Variants in LRRC36 observed in about 807,000 individuals in gnomAD.
LRRC36 encodes the protein leucine rich repeat containing 36.
LRRC36 carries 62 observed loss-of-function variants against 81.1 expected under a neutral mutation model. The observed-to-expected ratio is 0.76, with a 90% CI of 0.62 to 0.94. The LOEUF (loss-of-function observed/expected upper bound fraction) is 0.94. LRRC36 is among the 40% of genes least tolerant of loss of function. LRRC36 has a pLI of 0.00. For synonymous variants in LRRC36, 334 were observed against 348.6 expected, an observed-to-expected ratio of 0.96 and a Z score of 0.47; for missense variants, 761 against 881.7, an observed-to-expected ratio of 0.86 and a Z score of 1.73.
rs373458314 is a variant in LRRC36 at position 67,346,253 on chromosome 16, T to C, written c.199-3T>C. On this transcript the variant is annotated splice_polypyrimidine_tract_variant and splice_region_variant and intron_variant, in intron 2 of 13. Coordinates refer to ENST00000329956, the MANE Select transcript of LRRC36 (RefSeq NM_018296.6). Reference sequence around the variant, plus strand: ...ATTTCATAATGTGGTGTTTTCCTTGTAGGGAATCCAGTATTTATGTTCACT... The same window carrying C: ...ATTTCATAATGTGGTGTTTTCCTTGCAGGGAATCCAGTATTTATGTTCACT... 17 of 1,541,626 alleles carry C rather than the reference T, an allele frequency of 1.1e-5. No individual in the cohort carries two copies. Among genetic ancestry groups the C allele is most frequent in the African/African-American group, 2.7e-5 (2 of 73,542 alleles).
At chr16:67,327,863 A>G (rs2037273029) in intron 1 of LRRC36, among the ~76,000 whole-genome samples, 1 of 151,978 alleles carries the variant, frequency 6.6e-6, no homozygotes, top group Non-Finnish European at 1.5e-5. Context: ...ACTTAAATGC[A>G]GAGTGTCTGT....
chr16:67,350,236 G>C lies in LRRC36; in HGVS notation c.523G>C (p.Gly175Arg). Reference protein sequence around the residue: ...REKTMKNCVTGESSASKVSAN... With the variant: ...REKTMKNCVTRESSASKVSAN... ...GAAGACAATGAAAAACTGTGTAACA[G>C]GTGAGAGCTCTGCATCAAAAGTCAG... Residue 175 changes from glycine (G) to arginine (R), a missense_variant, in exon 5 of 14, where the codon GGT becomes CGT. Gly to Arg is a moderately radical substitution (Grantham distance 125). Transcript: ENST00000329956. 1.2e-6 allele frequency: 2 copies of C among 1,612,866 alleles called. No individual in the cohort carries two copies. Among genetic ancestry groups the C allele is most frequent in the Non-Finnish European group, 1.7e-6 (2 of 1,179,740 alleles).
chr16:67,378,568 ATTT>A lies in LRRC36; in HGVS notation c.1807-19_1807-17del. On this transcript the variant is annotated intron_variant, in intron 11 of 13. Coordinates refer to ENST00000329956, the MANE Select transcript of LRRC36 (RefSeq NM_018296.6). ...AATGTCAGATTCTTAATGTATTTGT[ATTT>A]TGTTTTCTAATCTAAAGGAAAGTTT... is the stretch of plus-strand genomic sequence containing the variant. 1 of 1,612,036 alleles carries A rather than the reference ATTT, an allele frequency of 6.2e-7. No individual in the cohort carries two copies. Among genetic ancestry groups the A allele is most frequent in the Non-Finnish European group, 8.5e-7 (1 of 1,178,614 alleles).
intron 5 of LRRC36, chr16:67,362,093 T>TAA: frequency 2.9e-6 from 1 of 350,430 alleles, no homozygotes; most frequent in East Asian, 9.7e-5. Flanking sequence ...ATGTAAAAAT[T>TAA]AAAAAAAACA....
intron 5 of LRRC36, among the ~76,000 whole-genome samples, chr16:67,363,297 G>A (rs1403013905): frequency 1.3e-5 from 2 of 152,130 alleles, no homozygotes; most frequent in South Asian, 2.1e-4. Context: ...CTTCCACTCA[G>A]TTTCTGTTGA....
At chr16:67,339,259 T>TA (rs57925409) in intron 1 of LRRC36, among the ~76,000 whole-genome samples, 2,429 of 122,966 alleles carry the variant, frequency 0.02, 50 homozygotes, top group South Asian at 0.08. Flanking sequence ...GTTAATACTG[T>TA]AAAAAAAAAA....
chr16:67,359,542 A>C (rs754157999), intron 5 of LRRC36, among the ~76,000 whole-genome samples: 2 of 152,216 alleles, frequency 1.3e-5, no homozygotes, highest in Non-Finnish European at 2.9e-5. Context: ...TTCTAGAATT[A>C]GATAGTGGTG....
intron 9 of LRRC36, among the ~76,000 whole-genome samples, chr16:67,374,877 A>G (rs1449850221): frequency 1.3e-5 from 2 of 151,900 alleles, no homozygotes; most frequent in African/African-American, 2.4e-5. Flanking sequence ...CACACCTGTA[A>G]TCCCAACACT....
In LRRC36 at chr16:67,348,822, G is replaced by A. The variant is rs183849202; in HGVS notation, c.488+1231G>A. ...GAACCGTGTCTGGAATACAGACGAT[G>A]CTAAGAAATAATGTATTGAATGATG... On this transcript the variant is annotated intron_variant, in intron 4 of 13. Transcript: ENST00000329956. 1.9e-4 allele frequency among the ~76,000 whole-genome samples: 29 copies of A among 152,306 alleles called. 1 individual carries two copies. Among genetic ancestry groups the A allele is most frequent in the Admixed American group, 1.4e-3 (22 of 15,294 alleles).
rs2037910753 is a variant in LRRC36, at chr16:67,339,195, ATGATTCATTCTCAAG to A, written c.71-2761_71-2747del. The stretch of plus-strand genomic sequence containing the variant: ...CAGACATGAGCCACTGCACCCAGCC[ATGATTCATTCTCAAG>A]GTGCCAGTAGCTTTTGCTCTTGCAC... On this transcript the variant is annotated intron_variant, in intron 1 of 13. Coordinates refer to ENST00000329956, the MANE Select transcript of LRRC36 (RefSeq NM_018296.6). Among the ~76,000 whole-genome samples the A allele has an allele frequency of 2.0e-5, 3 of 150,910 alleles. No individual in the cohort carries two copies. In the Admixed American group the frequency reaches 2.0e-4, roughly 10 times the overall value.
At chr16:67,346,556 T>C (rs1567475045) in intron 3 of LRRC36, 108 bp downstream of exon 3, 3 of 561,120 alleles carry the variant, frequency 5.3e-6, no homozygotes, top group Non-Finnish European at 9.0e-6. Flanking sequence ...ATATATTTGT[T>C]TATTAGTCAA....
intron 10 of LRRC36, 109 bp downstream of exon 10, chr16:67,375,521 T>G (rs1250388408): frequency 1.2e-6 from 1 of 862,940 alleles, no homozygotes; most frequent in Non-Finnish European, 1.7e-6. Context: ...GTTGTTCTCA[T>G]GATCACATCC....
chr16:67,344,942 A>C, intron 2 of LRRC36, among the ~76,000 whole-genome samples: 1 of 152,244 alleles, frequency 6.6e-6, no homozygotes, highest in Non-Finnish European at 1.5e-5. Flanking sequence ...TCACCTTTCC[A>C]AAATAATTCT....
At chr16:67,363,417 T>C (rs539997608) in intron 5 of LRRC36, among the ~76,000 whole-genome samples, 173 bp from the exon 6 acceptor site, 1 of 152,300 alleles carries the variant, frequency 6.6e-6, no homozygotes, top group African/African-American at 2.4e-5. Context: ...CCAAACGAAG[T>C]GAGAGAAGTA....
intron 12 of LRRC36, among the ~76,000 whole-genome samples, chr16:67,379,100 A>ACT (rs2040019030): frequency 6.6e-6 from 1 of 151,980 alleles, no homozygotes; most frequent in African/African-American, 2.4e-5. Flanking sequence ...TTCTTCTACC[A>ACT]TACCTCTCTA....
Position 67,385,131 on chromosome 16 carries a change from A to G in LRRC36, c.*42A>G. On this transcript the variant is annotated 3_prime_UTR_variant, in exon 14 of 14. Coordinates refer to ENST00000329956, the MANE Select transcript of LRRC36 (RefSeq NM_018296.6). ...ACACCACAGCTTCCCTGGTCCACAG[A>G]GGCTCTCACCGCCATTGCCACCAGT... 6.7e-7 allele frequency: 1 copy of G among 1,500,932 alleles called. No individual in the cohort carries two copies. The highest frequency in any genetic ancestry group is 9.2e-7 in the Non-Finnish European group (1 of 1,081,878). The allele number at this position is 1,500,932 out of a possible 1,614,324, so 93.0% of individuals were successfully genotyped here.
intron 1 of LRRC36, among the ~76,000 whole-genome samples, chr16:67,331,189 C>T (rs536987817): frequency 6.0e-4 from 91 of 151,804 alleles, no homozygotes; most frequent in African/African-American, 2.1e-3. Context: ...ATGAAGCCAC[C>T]GTTGACCTAA....
intron 1 of LRRC36, among the ~76,000 whole-genome samples, chr16:67,337,854 G>A (rs1171306714): frequency 6.6e-6 from 1 of 151,988 alleles, no homozygotes; most frequent in Non-Finnish European, 1.5e-5. Context: ...GGAACGCCGA[G>A]GCAGGCGGGT....
intron 2 of LRRC36, 64 bp downstream of exon 2, chr16:67,342,148 A>G: frequency 8.2e-7 from 1 of 1,222,798 alleles, no homozygotes; most frequent in Non-Finnish European, 1.1e-6. Context: ...GGAAGAAATA[A>G]GAGATAGATC....
Sources: gnomAD v4.1 joint callset for allele counts (sites outside exome capture counted in the v4.1 genomes callset) on GRCh38, gnomAD v4.1.1 for gene constraint, MANE v1.5 for transcripts, NCBI Gene and HGNC (gene_info 2026-07-23, HGNC 2026-07-21) for gene names.